Variants in MIA3 observed in about 807,000 individuals in gnomAD.
MIA3 encodes the protein MIA SH3 domain ER export factor 3.
In MIA3, 90 loss-of-function variants were observed where a neutral mutation model predicts 192.4. That is an observed-to-expected ratio of 0.47 (90% CI 0.39 to 0.56). The LOEUF is 0.56. Among genes scored for constraint, MIA3 ranks in the 20% least tolerant of loss-of-function variants. MIA3 has a pLI of 0.00. For missense variants in MIA3, 2,123 were observed against 2,269.4 expected, an observed-to-expected ratio of 0.94 and a Z score of 1.31; for synonymous variants, 740 against 792.8, an observed-to-expected ratio of 0.93 and a Z score of 1.12.
At chr1:222,660,351 G>T in intron 24 of MIA3, 37 bp downstream of exon 24, 2 of 1,581,298 alleles carry the variant, frequency 1.3e-6, no homozygotes, top group African/African-American at 2.7e-5. Flanking sequence ...TACTCTTTTG[G>T]GTGGCTTTTT....
chr1:222,624,257 G>GT (rs970943323), intron 2 of MIA3, among the ~76,000 whole-genome samples: 1 of 152,088 alleles, frequency 6.6e-6, no homozygotes, highest in Non-Finnish European at 1.5e-5. Flanking sequence ...TTATCAAAAC[G>GT]TACACACACA....
chr1:222,651,563 C>T (rs1004693505), intron 11 of MIA3, among the ~76,000 whole-genome samples: 4 of 150,892 alleles, frequency 2.7e-5, no homozygotes, highest in African/African-American at 9.7e-5. Flanking sequence ...TTAATTTAGG[C>T]AAGAGCAATT....
Position 222,632,198 on chromosome 1 carries a change from G to C in MIA3, c.3203G>C (p.Arg1068Pro). 6.2e-7 allele frequency: 1 copy of C among 1,614,090 alleles called. No individual in the cohort carries two copies. The highest frequency in any genetic ancestry group is 8.5e-7 in the Non-Finnish European group (1 of 1,179,996). ...MQPLHEDNFS[R>P]EKTAELNVQV... ...CCACTGCATGAAGATAATTTCTCAC[G>C]AGAGAAGACAGCAGAACTTAATGTG... Residue 1068 changes from arginine (R) to proline (P), a missense_variant, in exon 5 of 28, where the codon CGA becomes CCA. By Grantham distance (103) the Arg-to-Pro change is moderately radical. Transcript: ENST00000344922.
intron 18 of MIA3, among the ~76,000 whole-genome samples, chr1:222,657,397 C>T (rs1663788225): frequency 2.0e-5 from 3 of 152,116 alleles, no homozygotes; most frequent in African/African-American, 7.2e-5. Context: ...TTTCAACCTT[C>T]TTACATATCT....
chr1:222,634,013 G>C (rs915395374), intron 6 of MIA3, among the ~76,000 whole-genome samples: 1 of 151,990 alleles, frequency 6.6e-6, no homozygotes, highest in Non-Finnish European at 1.5e-5. Flanking sequence ...ACCATGCCTG[G>C]CTATTTTTTG....
At chr1:222,645,318 G>A (rs1183636655) in intron 6 of MIA3, among the ~76,000 whole-genome samples, 2 of 152,132 alleles carry the variant, frequency 1.3e-5, no homozygotes, top group East Asian at 3.9e-4. Context: ...AGAAATATAT[G>A]CCCAACCTAA....
At chr1:222,621,112 C>T in intron 1 of MIA3, 47 bp from the exon 2 acceptor site, 1 of 1,522,754 alleles carries the variant, frequency 6.6e-7, no homozygotes, top group Non-Finnish European at 8.9e-7. Flanking sequence ...ACTGTGAACA[C>T]TGAATCCTGA....
At chr1:222,654,532 C>A in intron 17 of MIA3, 53 bp downstream of exon 17, 1 of 1,557,486 alleles carries the variant, frequency 6.4e-7, no homozygotes, top group Non-Finnish European at 8.8e-7. Flanking sequence ...TACAAAATTG[C>A]ATTAGAAAGA....
chr1:222,656,831 G>C (rs991055805), intron 18 of MIA3, among the ~76,000 whole-genome samples: 1 of 152,084 alleles, frequency 6.6e-6, no homozygotes, highest in Non-Finnish European at 1.5e-5. Context: ...CACCTCAGTT[G>C]TCTAATCTGC....
At chr1:222,643,589 T>C (rs1662963744) in intron 6 of MIA3, among the ~76,000 whole-genome samples, 1 of 152,168 alleles carries the variant, frequency 6.6e-6, no homozygotes, top group African/African-American at 2.4e-5. Context: ...ACAGATTAAA[T>C]GTCCCCGGTT....
At chr1:222,658,941 A>G (rs1298304133) in intron 19 of MIA3, 118 bp downstream of exon 19, 1 of 649,686 alleles carries the variant, frequency 1.5e-6, no homozygotes, top group Non-Finnish European at 2.6e-6. Context: ...TTCACACAAA[A>G]GAAAAACTAA....
chr1:222,626,201 G>A (rs1662110125), intron 3 of MIA3, among the ~76,000 whole-genome samples: 1 of 152,206 alleles, frequency 6.6e-6, no homozygotes, highest in Non-Finnish European at 1.5e-5. Flanking sequence ...GATTGGCAGA[G>A]TGAAGTCACA....
rs189691778 is a variant in MIA3, at chr1:222,630,241, C to T, written c.3021C>T (p.Asn1007=). ...RVAENRDLGM[N]ENNIFEEAAV... is the part of the protein sequence containing the mutation. ...CTGAAAATAGAGATCTGGGAATGAA[C>T]GAAAATAACATATTTGAAGAGGCTG... Residue 1007 remains asparagine (N), a synonymous_variant, in exon 4 of 28, where the codon AAC becomes AAT. Transcript: ENST00000344922. 36 of 1,614,124 alleles carry T rather than the reference C, an allele frequency of 2.2e-5. No individual in the cohort carries two copies. The highest frequency in any genetic ancestry group is 1.5e-4 in the Admixed American group (9 of 60,016).
chr1:222,654,924 T>A, intron 18 of MIA3, 131 bp downstream of exon 18: 1 of 851,384 alleles, frequency 1.2e-6, no homozygotes, highest in Non-Finnish European at 1.8e-6. Context: ...TTTGTCTTTC[T>A]TTCTTTCTGC....
chr1:222,649,530 G>C (rs1476291827), intron 8 of MIA3: 1 of 152,560 alleles, frequency 6.6e-6, no homozygotes, highest in Admixed American at 6.5e-5. Flanking sequence ...ACTTTGGGAG[G>C]CCAAAGCGGA....
chr1:222,629,218 A>G lies in MIA3; in HGVS notation c.1998A>G (p.Thr666=). 1 of 1,614,248 alleles carries G rather than the reference A, an allele frequency of 6.2e-7. No homozygotes were observed. Among genetic ancestry groups the G allele is most frequent in the Non-Finnish European group, 8.5e-7 (1 of 1,180,050 alleles). Residue 666 remains threonine, a synonymous_variant, in exon 4 of 28, where the codon ACA becomes ACG. Coordinates refer to ENST00000344922, the MANE Select transcript of MIA3 (RefSeq NM_198551.4). ...PWQQERDVAA[T]ASKQMSEKIR... ...AACAAGAAAGAGATGTGGCTGCCAC[A>G]GCCAGTAAGCAAATGAGTGAGAAGA...
At chr1:222,658,185 A>G (rs959846238) in intron 18 of MIA3, among the ~76,000 whole-genome samples, 1 of 152,196 alleles carries the variant, frequency 6.6e-6, no homozygotes, top group Non-Finnish European at 1.5e-5. Flanking sequence ...ATTCCATTGA[A>G]ATAGGTAGGG....
In MIA3 at chr1:222,654,383, T is replaced by A; in HGVS notation, c.4378-6T>A. On this transcript the variant is annotated splice_region_variant and splice_polypyrimidine_tract_variant and intron_variant, in intron 16 of 27. Transcript: ENST00000344922. ...TATGAATACTTGTCTCTTCTGCAAT[T>A]TTTAGACACAGACTGCAATATCGGT... 1.9e-6 allele frequency: 3 copies of A among 1,613,712 alleles called. No individual in the cohort carries two copies. Among genetic ancestry groups the A allele is most frequent in the Non-Finnish European group, 2.5e-6 (3 of 1,179,694 alleles).
chr1:222,641,725 T>C (rs1662866981), intron 6 of MIA3: 1 of 558,192 alleles, frequency 1.8e-6, no homozygotes, highest in Non-Finnish European at 3.6e-6. Context: ...GTTCAGACAG[T>C]CCTTGGCTTC....
Sources: gnomAD v4.1 joint callset for allele counts (sites outside exome capture counted in the v4.1 genomes callset) on GRCh38, gnomAD v4.1.1 for gene constraint, MANE v1.5 for transcripts, NCBI Gene and HGNC (gene_info 2026-07-23, HGNC 2026-07-21) for gene names.